Variants in GPSM2 observed in about 807,000 individuals in gnomAD.
GPSM2 encodes G protein-signaling modulator 2.
A neutral mutation model predicts 78.4 loss-of-function variants in GPSM2; 58 were observed. That is an observed-to-expected ratio of 0.74 (90% CI 0.60 to 0.92). The LOEUF (loss-of-function observed/expected upper bound fraction) is 0.92, where lower values mean the gene tolerates loss of function less well. Among genes scored for constraint, GPSM2 ranks in the 40% least tolerant of loss-of-function variants. GPSM2 has a pLI of 0.00. For synonymous variants in GPSM2, 224 were observed against 280.2 expected (o/e 0.80, Z 2.00); for missense variants, 700 against 815.5 (o/e 0.86, Z 1.73).
At chr1:108,922,228 G>A (rs1054488954) in intron 12 of GPSM2, among the ~76,000 whole-genome samples, 189 bp from the exon 13 acceptor site, 1 of 152,190 alleles carries the variant, frequency 6.6e-6, no homozygotes, top group Non-Finnish European at 1.5e-5. Context: ...ATTAAAAAAT[G>A]AAGTGCTTTT....
intron 2 of GPSM2, among the ~76,000 whole-genome samples, chr1:108,888,127 C>T (rs1218743815): frequency 6.6e-6 from 1 of 152,214 alleles, no homozygotes; most frequent in East Asian, 1.9e-4. Flanking sequence ...TCTCAGCTCA[C>T]TGCAACCTCT....
chr1:108,903,546 T>A lies in GPSM2; in HGVS notation c.1062+312T>A, dbSNP rs374884809. ...GCATGGTATTGAAGGAAAAGCATGG[T>A]TCTTAGAATTAAGGACTGCTTCCTG... On this transcript the variant is annotated intron_variant, in intron 9 of 14. Transcript: ENST00000264126. Among the ~76,000 whole-genome samples, 25 of 152,238 alleles carry A rather than the reference T, an allele frequency of 1.6e-4. No homozygotes were observed. In the East Asian group the frequency reaches 3.1e-3, roughly 19 times the overall value.
At chr1:108,906,236 A>AT (rs1557867603) in intron 10 of GPSM2, among the ~76,000 whole-genome samples, 1 of 151,836 alleles carries the variant, frequency 6.6e-6, no homozygotes, top group Non-Finnish European at 1.5e-5. Context: ...ACTTTTATTT[A>AT]TTTATTTTAT....
Position 108,931,697 on chromosome 1 carries a change from A to ATG in GPSM2, c.*1759_*1760dup. ...TGTTTCATGTATACTATAAGGTATG[A>ATG]TGTCCTGGATAGCATTTTAAAAACT... On this transcript the variant is annotated 3_prime_UTR_variant, in exon 15 of 15. Transcript: ENST00000264126. The ATG allele has an allele frequency of 1.9e-6, 1 of 528,800 alleles. No homozygotes were observed. Among genetic ancestry groups the ATG allele is most frequent in the Admixed American group, 4.3e-5 (1 of 23,168 alleles). 32.8% of individuals were successfully genotyped at this position (528,800 alleles called of 1,614,324 possible).
At chr1:108,922,343 T>C (rs1048075452) in intron 12 of GPSM2, 74 bp from the exon 13 acceptor site, 8 of 1,103,302 alleles carry the variant, frequency 7.3e-6, no homozygotes, top group African/African-American at 1.5e-5. Flanking sequence ...TTTGAATGCA[T>C]CATGATGTTC....
chr1:108,893,190 G>C (rs1403001276), intron 2 of GPSM2, among the ~76,000 whole-genome samples: 1 of 152,168 alleles, frequency 6.6e-6, no homozygotes, highest in Non-Finnish European at 1.5e-5. Context: ...AGTCATTTGT[G>C]GTGAAGTTAT....
Position 108,930,216 on chromosome 1 carries a change from A to C in GPSM2, c.*276A>C. 2.8e-6 allele frequency: 1 copy of C among 355,502 alleles called. No homozygotes were observed. Among genetic ancestry groups the C allele is most frequent in the East Asian group, 4.8e-5 (1 of 20,906 alleles). 22.0% of individuals were successfully genotyped at this position (355,502 alleles called of 1,614,324 possible). On this transcript the variant is annotated 3_prime_UTR_variant, in exon 15 of 15. Coordinates refer to ENST00000264126, the MANE Select transcript of GPSM2 (RefSeq NM_013296.5). ...TGAGATTACTTTACCTAGTGTTTAT[A>C]AAGTAGGAAGTTAAGTGAATCATAG...
intron 13 of GPSM2, among the ~76,000 whole-genome samples, chr1:108,923,132 A>G (rs1366041035): frequency 6.6e-6 from 1 of 152,156 alleles, no homozygotes; most frequent in Non-Finnish European, 1.5e-5. Flanking sequence ...TCTTGGGCTC[A>G]AGTGATCCTC....
At chr1:108,902,296 G>A (rs760129867) in intron 8 of GPSM2, among the ~76,000 whole-genome samples, 14 of 151,424 alleles carry the variant, frequency 9.2e-5, no homozygotes, top group South Asian at 2.1e-4. Context: ...CAGGAGAATC[G>A]CTTGAACCCA....
intron 12 of GPSM2, among the ~76,000 whole-genome samples, chr1:108,921,080 AGATACC>A (rs923675779): frequency 6.6e-6 from 1 of 152,102 alleles, no homozygotes; most frequent in Non-Finnish European, 1.5e-5. Context: ...GTGTCATGCA[AGATACC>A]CTCTTTCACT....
chr1:108,891,476 A>G (rs1192591460), intron 2 of GPSM2, among the ~76,000 whole-genome samples: 4 of 151,996 alleles, frequency 2.6e-5, no homozygotes, highest in Non-Finnish European at 5.9e-5. Context: ...CTGTAGCAAT[A>G]CCTATCTTAG....
chr1:108,929,870 T>C lies in GPSM2; in HGVS notation c.1985T>C (p.Leu662Pro). The C allele has an allele frequency of 3.7e-6, 6 of 1,613,974 alleles. No homozygotes were observed. Among genetic ancestry groups the C allele is most frequent in the Non-Finnish European group, 5.1e-6 (6 of 1,179,830 alleles). The change falls in exon 15 of 15, where the codon CTA becomes CCA. Residue 662 changes from leucine to proline, a missense_variant. Coordinates refer to ENST00000264126, the MANE Select transcript of GPSM2 (RefSeq NM_013296.5). ...CAAAACAGAGACACTGACTTTGGGC[T>C]AAAGGACTTTTTGCAAAATAATGCT... ...RDQNRDTDFG[L>P]KDFLQNNALL...
intron 10 of GPSM2, among the ~76,000 whole-genome samples, chr1:108,911,463 G>A (rs1461009171): frequency 6.6e-6 from 1 of 152,102 alleles, no homozygotes; most frequent in African/African-American, 2.4e-5. Flanking sequence ...GGAGGTGGAG[G>A]TTGCAGTGAG....
chr1:108,877,929 TG>T (rs1313013247), intron 1 of GPSM2, among the ~76,000 whole-genome samples: 1 of 152,204 alleles, frequency 6.6e-6, no homozygotes, highest in Non-Finnish European at 1.5e-5. Context: ...CGAGTAAGGA[TG>T]GAAATTTTAT....
chr1:108,897,526 AGTG>A lies in GPSM2; in HGVS notation c.316_318del (p.Gly106del). The A allele has an allele frequency of 6.2e-7, 1 of 1,613,708 alleles. No individual in the cohort carries two copies. The highest frequency in any genetic ancestry group is 8.5e-7 in the Non-Finnish European group (1 of 1,179,798). On this transcript the variant is annotated inframe_deletion, in exon 4 of 15. Transcript: ENST00000264126. ...AGACCAGCTGGGGGAAGCGAAAGCT[AGTG>A]GTAATCTGGGAAACACCTTAAAAGT...
chr1:108,920,111 G>A (rs984091759), intron 12 of GPSM2, among the ~76,000 whole-genome samples: 4 of 151,928 alleles, frequency 2.6e-5, no homozygotes, highest in African/African-American at 7.3e-5. Flanking sequence ...AGGTTGCAGT[G>A]AGCTGAGATT....
intron 2 of GPSM2, among the ~76,000 whole-genome samples, chr1:108,887,513 T>C (rs1457535483): frequency 6.6e-6 from 1 of 152,170 alleles, no homozygotes; most frequent in African/African-American, 2.4e-5. Context: ...CATCACACCT[T>C]CGATTCCCCA....
intron 2 of GPSM2, among the ~76,000 whole-genome samples, chr1:108,889,977 C>T (rs1647854319): frequency 1.3e-5 from 2 of 152,154 alleles, no homozygotes. Flanking sequence ...TGTCTTTGCT[C>T]ATGCTATGCC....
At chr1:108,922,330 G>C (rs993433361) in intron 12 of GPSM2, 87 bp from the exon 13 acceptor site, 1 of 931,412 alleles carries the variant, frequency 1.1e-6, no homozygotes, top group South Asian at 1.4e-5. Flanking sequence ...TTTACCTTTT[G>C]CATTTGAATG....
Sources: allele counts gnomAD v4.1 joint callset (sites outside exome capture counted in the v4.1 genomes callset), GRCh38; gene constraint gnomAD v4.1.1; transcripts MANE v1.5; gene names NCBI Gene and HGNC (gene_info 2026-07-23, HGNC 2026-07-21).